GRM7: variants seen among roughly 807,000 people sequenced by gnomAD.
The protein encoded by GRM7 is metabotropic glutamate receptor 7.
A neutral mutation model predicts 84.5 loss-of-function variants in GRM7; 35 were observed. That is an observed-to-expected ratio of 0.41 (90% CI 0.32 to 0.55). The LOEUF (loss-of-function observed/expected upper bound fraction) is 0.55. Ranked by LOEUF, GRM7 falls within the 20% of genes least tolerant of loss-of-function variation. The pLI is 0.19. For missense variants in GRM7, 1,003 were observed against 1,194.6 expected (o/e 0.84, Z 2.36); for synonymous variants, 487 against 455.1 (o/e 1.07, Z -0.89).
chr3:7,259,292 T>G (rs2124954241), intron 2 of GRM7, among the ~76,000 whole-genome samples: 1 of 152,224 alleles, frequency 6.6e-6, no homozygotes, highest in East Asian at 1.9e-4. Flanking sequence ...AAAAATACTT[T>G]TATTTTAGAT....
chr3:6,906,237 T>G (rs1696574846), intron 1 of GRM7, among the ~76,000 whole-genome samples: 2 of 152,180 alleles, frequency 1.3e-5, no homozygotes, highest in African/African-American at 4.8e-5. Flanking sequence ...GACAGGCTGC[T>G]GGGTTCCAAC....
chr3:7,645,966 T>A (rs1698619318), intron 8 of GRM7, among the ~76,000 whole-genome samples: 1 of 152,194 alleles, frequency 6.6e-6, no homozygotes, highest in Non-Finnish European at 1.5e-5. Flanking sequence ...TCAGAAGGAC[T>A]TTTTGCTAAG....
chr3:7,066,239 G>C (rs552442305), intron 1 of GRM7, among the ~76,000 whole-genome samples: 1 of 151,940 alleles, frequency 6.6e-6, no homozygotes, highest in African/African-American at 2.4e-5. Flanking sequence ...GAAACAAAAA[G>C]CTGGTTCTTT....
intron 5 of GRM7, among the ~76,000 whole-genome samples, chr3:7,444,599 G>A (rs140309151): frequency 1.3e-5 from 2 of 152,232 alleles, no homozygotes; most frequent in East Asian, 1.9e-4. Flanking sequence ...AGTCTCTCAG[G>A]ACACCTTTCA....
chr3:7,623,413 A>G (rs1697456267), intron 8 of GRM7, among the ~76,000 whole-genome samples: 1 of 152,182 alleles, frequency 6.6e-6, no homozygotes, highest in African/African-American at 2.4e-5. Context: ...TACAAACAAA[A>G]TACTGCAATT....
intron 2 of GRM7, among the ~76,000 whole-genome samples, chr3:7,289,552 T>C (rs1228342875): frequency 6.6e-6 from 1 of 152,126 alleles, no homozygotes; most frequent in African/African-American, 2.4e-5. Flanking sequence ...TAAAGACACA[T>C]GCACATATAT....
chr3:7,020,673 G>C (rs896554166), intron 1 of GRM7, among the ~76,000 whole-genome samples: 2 of 152,254 alleles, frequency 1.3e-5, no homozygotes, highest in South Asian at 4.2e-4. Context: ...CTTTTATAGG[G>C]TGACTACAAC....
intron 1 of GRM7, among the ~76,000 whole-genome samples, chr3:7,136,932 C>G (rs188014112): frequency 1.7e-3 from 254 of 152,160 alleles, no homozygotes; most frequent in Admixed American, 7.1e-3. Context: ...AGAAAACTAC[C>G]ATGTTCCAGA....
At chr3:7,273,747 G>T (rs1043430168) in intron 2 of GRM7, among the ~76,000 whole-genome samples, 1 of 151,796 alleles carries the variant, frequency 6.6e-6, no homozygotes, top group Non-Finnish European at 1.5e-5. Flanking sequence ...CTTTAAAGTG[G>T]GTTTTGTGTG....
chr3:7,087,800 T>G (rs1698513583), intron 1 of GRM7, among the ~76,000 whole-genome samples: 1 of 152,202 alleles, frequency 6.6e-6, no homozygotes, highest in Non-Finnish European at 1.5e-5. Flanking sequence ...GATACCTTGC[T>G]ACCTATCTCA....
At chr3:7,177,429 A>G (rs112661826) in intron 2 of GRM7, among the ~76,000 whole-genome samples, 3,153 of 152,196 alleles carry the variant, frequency 0.021, 98 homozygotes, top group African/African-American at 0.072. Context: ...CTTAATGACG[A>G]AAGAGCAGTA....
chr3:7,244,188 AAACTTTTAACTCTTTT>A (rs1697668513), intron 2 of GRM7, among the ~76,000 whole-genome samples: 1 of 152,112 alleles, frequency 6.6e-6, no homozygotes, highest in Non-Finnish European at 1.5e-5. Context: ...TTTATTTTAT[AAACTTTTAACTCTTTT>A]AACTTTTTGA....
At chr3:7,619,821 T>C (rs1419222210) in intron 8 of GRM7, among the ~76,000 whole-genome samples, 6 of 152,170 alleles carry the variant, frequency 3.9e-5, no homozygotes, top group Non-Finnish European at 5.9e-5. Flanking sequence ...CCACAACCTT[T>C]TGTGCCTTCT....
chr3:7,521,061 A>G (rs1250391343), intron 7 of GRM7, among the ~76,000 whole-genome samples: 1 of 152,186 alleles, frequency 6.6e-6, no homozygotes, highest in Non-Finnish European at 1.5e-5. Context: ...TCACACTGAT[A>G]ATAATTGTTC....
chr3:7,487,930 A>G (rs1459916402), intron 7 of GRM7, among the ~76,000 whole-genome samples: 1 of 152,166 alleles, frequency 6.6e-6, no homozygotes, highest in Non-Finnish European at 1.5e-5. Flanking sequence ...GAGAGCAGCC[A>G]TATGGGCTGT....
intron 4 of GRM7, among the ~76,000 whole-genome samples, chr3:7,376,952 T>C (rs925631477): frequency 4.6e-5 from 7 of 152,188 alleles, no homozygotes; most frequent in East Asian, 3.9e-4. Flanking sequence ...ACCAAAAATG[T>C]CACTAGACAA....
intron 4 of GRM7, among the ~76,000 whole-genome samples, chr3:7,382,684 AT>A (rs1293347045): frequency 6.6e-6 from 1 of 152,266 alleles, no homozygotes; most frequent in African/African-American, 2.4e-5. Flanking sequence ...AAGGAAAAAA[AT>A]AAAGTAGTCT....
chr3:6,923,280 G>A (rs907552083), intron 1 of GRM7, among the ~76,000 whole-genome samples: 1 of 151,928 alleles, frequency 6.6e-6, no homozygotes, highest in Non-Finnish European at 1.5e-5. Context: ...CTCCCAAACT[G>A]CTGGGATTAC....
intron 9 of GRM7, chr3:7,694,227 A>AT (rs2125153305): frequency 6.6e-6 from 1 of 152,658 alleles, no homozygotes; most frequent in East Asian, 1.9e-4. Context: ...AGAACCTCAT[A>AT]TGGTAGTAGT....
Sources: gnomAD v4.1 joint callset for allele counts (sites outside exome capture counted in the v4.1 genomes callset) on GRCh38, gnomAD v4.1.1 for gene constraint, MANE v1.5 for transcripts, NCBI Gene and HGNC (gene_info 2026-07-23, HGNC 2026-07-21) for gene names.